The following PRKG1 variants were observed in gnomAD, a reference collection of about 807,000 sequenced individuals.
The protein encoded by PRKG1 is protein kinase cGMP-dependent 1, also known as cGMP-dependent protein kinase 1.
PRKG1 carries 35 observed loss-of-function variants against 88.1 expected under a neutral mutation model. The ratio of observed to expected loss-of-function variants is 0.40; its 90% CI spans 0.30 to 0.53. PRKG1 has a LOEUF of 0.53. Ranked by LOEUF, PRKG1 falls within the 20% of genes least tolerant of loss-of-function variation. The pLI, the probability that PRKG1 is intolerant of heterozygous loss-of-function variation, is 0.59. For synonymous variants in PRKG1, 303 were observed against 292.5 expected, an observed-to-expected ratio of 1.04 and a Z score of -0.37; for missense variants, 540 against 839.8, an observed-to-expected ratio of 0.64 and a Z score of 4.41.
Position 52,297,591 on chromosome 10 carries a change from T to A in PRKG1, c.*3691T>A, listed in dbSNP as rs1842408258. 6.6e-6 allele frequency: 1 copy of A among 152,214 alleles called. No homozygotes were observed. The highest frequency in any genetic ancestry group is 1.5e-5 in the Non-Finnish European group (1 of 68,032). 9.4% of individuals were successfully genotyped at this position (152,214 alleles called of 1,614,324 possible). On this transcript the variant is annotated 3_prime_UTR_variant, in exon 18 of 18. Coordinates refer to ENST00000373980, the MANE Select transcript of PRKG1 (RefSeq NM_006258.4). ...GTGTATCTGTTAATGAGATACAGCG[T>A]CATTTCTGTGAAATGTATAAATGTA...
chr10:51,631,445 T>C (rs147837880), intron 3 of PRKG1, among the ~76,000 whole-genome samples: 30 of 152,154 alleles, frequency 2.0e-4, no homozygotes, highest in African/African-American at 7.2e-4. Flanking sequence ...AGCTGTACAA[T>C]TGAAGTACAT....
intron 5 of PRKG1, among the ~76,000 whole-genome samples, chr10:51,938,505 G>A (rs1589436991): frequency 1.3e-5 from 2 of 151,938 alleles, no homozygotes; most frequent in Admixed American, 1.3e-4. Flanking sequence ...TACTTTAAGA[G>A]GGCATTAATG....
intron 2 of PRKG1, among the ~76,000 whole-genome samples, chr10:51,213,189 A>G (rs1397815510): frequency 6.6e-6 from 1 of 152,176 alleles, no homozygotes; most frequent in Non-Finnish European, 1.5e-5. Flanking sequence ...GCTGGAAACC[A>G]TCATTCTCTA....
intron 5 of PRKG1, among the ~76,000 whole-genome samples, chr10:51,978,047 TC>T (rs1293487276): frequency 1.3e-5 from 2 of 152,058 alleles, no homozygotes; most frequent in Admixed American, 6.6e-5. Context: ...CTTTGCCTGT[TC>T]CTATGTCTAG....
chr10:51,181,224 ATTTTTTT>A lies in PRKG1; in HGVS notation c.478+27916_478+27922del, dbSNP rs1223588085. 1.2e-3 allele frequency among the ~76,000 whole-genome samples: 94 copies of A among 78,290 alleles called. No individual in the cohort carries two copies. In the East Asian group the frequency reaches 0.02, roughly 16 times the overall value. 51.4% of individuals were successfully genotyped at this position (78,290 alleles called of 152,430 possible). A position where few individuals can be genotyped will look rare whatever the true frequency, so the allele number is the denominator to read the frequency against. On this transcript the variant is annotated intron_variant, in intron 2 of 17. Coordinates refer to ENST00000373980, the MANE Select transcript of PRKG1 (RefSeq NM_006258.4). ...AAGCTGACCAAGATTATTATATAGA[ATTTTTTT>A]TTTTTTTTTTTTTTTTTTTTTGAGA...
chr10:51,501,043 A>T (rs932808548), intron 3 of PRKG1, among the ~76,000 whole-genome samples: 1 of 151,952 alleles, frequency 6.6e-6, no homozygotes, highest in South Asian at 2.1e-4. Flanking sequence ...AACCTAATAA[A>T]ATATTTAGCA....
chr10:52,248,722 T>A (rs1841088021), intron 9 of PRKG1, among the ~76,000 whole-genome samples: 1 of 152,130 alleles, frequency 6.6e-6, no homozygotes, highest in South Asian at 2.1e-4. Context: ...AGATGAAACT[T>A]AATATACTCA....
intron 2 of PRKG1, among the ~76,000 whole-genome samples, chr10:51,170,868 T>A (rs1011324532): frequency 4.2e-4 from 64 of 152,124 alleles, no homozygotes; most frequent in African/African-American, 1.5e-3. Flanking sequence ...AAAATCAAGA[T>A]GGGAATCCAC....
chr10:52,198,025 C>G (rs545962861), intron 9 of PRKG1, among the ~76,000 whole-genome samples: 3 of 152,172 alleles, frequency 2.0e-5, no homozygotes, highest in Admixed American at 2.0e-4. Flanking sequence ...TTTCATTACT[C>G]ATGGCAGTTC....
chr10:52,157,088 C>T (rs1052453095), intron 8 of PRKG1, among the ~76,000 whole-genome samples: 1 of 151,104 alleles, frequency 6.6e-6, no homozygotes, highest in Non-Finnish European at 1.5e-5. Flanking sequence ...ATGAGACTTT[C>T]TCCCACCCTA....
At chr10:51,141,572 G>T (rs192360596) in intron 1 of PRKG1, among the ~76,000 whole-genome samples, 1 of 152,264 alleles carries the variant, frequency 6.6e-6, no homozygotes, top group Non-Finnish European at 1.5e-5. Context: ...GAATTGTTGT[G>T]TTGGAAATAT....
intron 9 of PRKG1, chr10:52,230,620 C>G (rs1434521383): frequency 6.6e-6 from 1 of 152,156 alleles, no homozygotes; most frequent in Non-Finnish European, 1.5e-5. Context: ...ATTACTGCCT[C>G]CTTTATGCAT....
chr10:52,107,337 G>C (rs1374763450), intron 7 of PRKG1, among the ~76,000 whole-genome samples: 1 of 152,152 alleles, frequency 6.6e-6, no homozygotes, highest in Non-Finnish European at 1.5e-5. Flanking sequence ...GTAGTCCTCT[G>C]TTCTGCTGTA....
intron 2 of PRKG1, among the ~76,000 whole-genome samples, chr10:51,411,659 G>A (rs1278272338): frequency 6.6e-6 from 1 of 152,176 alleles, no homozygotes; most frequent in Non-Finnish European, 1.5e-5. Flanking sequence ...CAAGCTTCAA[G>A]TTGTAACTTT....
At position 51,804,674 on chromosome 10, in the gene PRKG1, A is replaced by G; in HGVS notation, c.682A>G (p.Met228Val). 6.3e-7 allele frequency: 1 copy of G among 1,579,220 alleles called. No homozygotes were observed. Among genetic ancestry groups the G allele is most frequent in the Non-Finnish European group, 8.7e-7 (1 of 1,149,270 alleles). ...RTGLIKHTEYMEFLKSVPTFQ... is the reference protein window; with the variant it reads ...RTGLIKHTEYVEFLKSVPTFQ... Reference sequence around the variant, plus strand: ...AGGACTCATCAAGCATACCGAGTATATGGAATTTTTAAAAAGGTAGGATGC... The same window carrying G: ...AGGACTCATCAAGCATACCGAGTATGTGGAATTTTTAAAAAGGTAGGATGC... The change falls in exon 4 of 18, where the codon ATG (methionine) becomes GTG (valine). Residue 228 changes from methionine to valine, a missense_variant. This residue lies in a region of PRKG1 where 400 missense variants were observed against 562.7 expected (regional missense o/e 0.71). Transcript: ENST00000373980.
At chr10:51,993,785 T>A (rs773746744) in intron 5 of PRKG1, among the ~76,000 whole-genome samples, 21 of 152,228 alleles carry the variant, frequency 1.4e-4, no homozygotes, top group Non-Finnish European at 2.2e-4. Flanking sequence ...ATTGTCAGGT[T>A]GACTTCAAGC....
intron 1 of PRKG1, among the ~76,000 whole-genome samples, chr10:51,066,778 T>C (rs575846376): frequency 6.6e-6 from 1 of 152,248 alleles, no homozygotes; most frequent in Non-Finnish European, 1.5e-5. Context: ...GAAAGAAATC[T>C]CTTTTCTTAC....
Position 51,895,940 on chromosome 10 carries a change from C to G in PRKG1, c.699-11567C>G, listed in dbSNP as rs1178080669. 2.0e-5 allele frequency among the ~76,000 whole-genome samples: 3 copies of G among 152,008 alleles called. No individual in the cohort carries two copies. In the East Asian group the frequency reaches 5.8e-4, roughly 30 times the overall value. On this transcript the variant is annotated intron_variant, in intron 4 of 17. Transcript: ENST00000373980. ...AGGTTCCCTTTCTCCTCTGTGCACA[C>G]AAAAGCAGAGAGCCATTGGACTCCA...
At chr10:51,758,861 G>A (rs533401774) in intron 3 of PRKG1, among the ~76,000 whole-genome samples, 21 of 46,736 alleles carry the variant, frequency 4.5e-4, no homozygotes, top group South Asian at 2.3e-3. Flanking sequence ...CCCACCCCCC[G>A]ACAGGGCCCA....
Sources: allele counts gnomAD v4.1 joint callset (sites outside exome capture counted in the v4.1 genomes callset), GRCh38; gene constraint gnomAD v4.1.1; regional missense constraint gnomAD v4.1.1; transcripts MANE v1.5; gene names NCBI Gene and HGNC (gene_info 2026-07-23, HGNC 2026-07-21).